The following IMMP2L variants were observed in gnomAD, a reference collection of about 807,000 sequenced individuals.
The protein encoded by IMMP2L is mitochondrial inner membrane protease subunit 2.
Under a neutral mutation model 19.3 loss-of-function variants are expected in IMMP2L, and 18 were observed. The ratio of observed to expected loss-of-function variants is 0.93; its 90% confidence interval spans 0.64 to 1.38. The LOEUF is 1.38. IMMP2L is among the 40% of genes most tolerant of loss of function. IMMP2L has a pLI of 0.00. For synonymous variants in IMMP2L, 76 were observed against 73.0 expected (o/e 1.04, Z -0.21); for missense variants, 233 against 218.2 (o/e 1.07, Z -0.43).
At chr7:111,375,279 A>G (rs1478406019) in intron 3 of IMMP2L, among the ~76,000 whole-genome samples, 2 of 152,078 alleles carry the variant, frequency 1.3e-5, no homozygotes, top group African/African-American at 2.4e-5. Context: ...AGTAATAATA[A>G]TAGTAGTCTT....
At chr7:111,251,037 G>A (rs1816049227) in intron 3 of IMMP2L, among the ~76,000 whole-genome samples, 1 of 151,640 alleles carries the variant, frequency 6.6e-6, no homozygotes, top group Non-Finnish European at 1.5e-5. Context: ...GAGTCTACAA[G>A]AAACAAACAA....
At chr7:110,951,347 C>T (rs1817817470) in intron 4 of IMMP2L, among the ~76,000 whole-genome samples, 1 of 151,890 alleles carries the variant, frequency 6.6e-6, no homozygotes, top group Non-Finnish European at 1.5e-5. Context: ...TTACAATTTA[C>T]AAAATTTAGA....
intron 3 of IMMP2L, among the ~76,000 whole-genome samples, chr7:111,359,597 C>T (rs528984049): frequency 2.0e-5 from 3 of 152,120 alleles, no homozygotes; most frequent in South Asian, 2.1e-4. Flanking sequence ...TCACCGTGCC[C>T]GGCCTCTCCA....
chr7:111,401,108 T>C (rs528775438), intron 3 of IMMP2L, among the ~76,000 whole-genome samples: 53 of 152,264 alleles, frequency 3.5e-4, no homozygotes, highest in Non-Finnish European at 6.6e-4. Context: ...TTTGAGAGCA[T>C]GTGGTGAGAT....
chr7:111,105,091 T>C (rs1798395959), intron 3 of IMMP2L, among the ~76,000 whole-genome samples: 1 of 151,774 alleles, frequency 6.6e-6, no homozygotes, highest in South Asian at 2.1e-4. Context: ...TTACTAAAGG[T>C]CTCATTGAGA....
intron 5 of IMMP2L, among the ~76,000 whole-genome samples, chr7:110,705,488 C>T (rs149606137): frequency 1.5e-4 from 23 of 152,130 alleles, no homozygotes; most frequent in African/African-American, 3.6e-4. Context: ...TTATATGAAA[C>T]GTCTTGAAAT....
chr7:111,033,530 T>C (rs549365597), intron 3 of IMMP2L, among the ~76,000 whole-genome samples: 1 of 152,378 alleles, frequency 6.6e-6, no homozygotes, highest in South Asian at 2.1e-4. Flanking sequence ...GGACTGTTTA[T>C]AGCAGCTTTA....
intron 3 of IMMP2L, among the ~76,000 whole-genome samples, chr7:110,998,917 C>T (rs774718674): frequency 7.9e-5 from 12 of 152,112 alleles, no homozygotes; most frequent in Non-Finnish European, 1.5e-4. Flanking sequence ...TTCCACCATA[C>T]AATTTAGTGG....
intron 5 of IMMP2L, chr7:110,664,849 A>G: frequency 6.6e-6 from 1 of 152,214 alleles, no homozygotes; most frequent in Non-Finnish European, 1.5e-5. Flanking sequence ...TGTTTTTCCT[A>G]TAAACTGGAC....
chr7:111,189,025 C>G (rs1385241874), intron 3 of IMMP2L, among the ~76,000 whole-genome samples: 1 of 152,068 alleles, frequency 6.6e-6, no homozygotes, highest in Non-Finnish European at 1.5e-5. Context: ...ATTACTGCAC[C>G]TACTAGTACC....
At chr7:111,203,074 A>G (rs1810317839) in intron 3 of IMMP2L, among the ~76,000 whole-genome samples, 1 of 152,216 alleles carries the variant, frequency 6.6e-6, no homozygotes, top group Middle Eastern at 3.2e-3. Context: ...AACTAGTACT[A>G]TCTATTCAGA....
chr7:111,500,473 C>A (rs1210969542), intron 2 of IMMP2L, among the ~76,000 whole-genome samples: 3 of 152,164 alleles, frequency 2.0e-5, no homozygotes, highest in Non-Finnish European at 4.4e-5. Context: ...TCTCCCAGCA[C>A]ACAGCTGGAG....
chr7:111,199,430 T>A (rs781093841), intron 3 of IMMP2L, among the ~76,000 whole-genome samples: 3 of 152,010 alleles, frequency 2.0e-5, no homozygotes, highest in Non-Finnish European at 2.9e-5. Context: ...AAATATGAAA[T>A]ATGTAAAAGT....
chr7:110,879,131 G>T (rs1809374854), intron 5 of IMMP2L, among the ~76,000 whole-genome samples: 1 of 152,024 alleles, frequency 6.6e-6, no homozygotes, highest in African/African-American at 2.4e-5. Flanking sequence ...GTGGCTCATA[G>T]TATAATCCCA....
chr7:111,017,318 C>G (rs766541884), intron 3 of IMMP2L, among the ~76,000 whole-genome samples: 10 of 151,948 alleles, frequency 6.6e-5, no homozygotes, highest in Non-Finnish European at 1.2e-4. Context: ...CTTGCCTGGG[C>G]CTCCCAAAGT....
At chr7:110,878,162 T>G (rs950739451) in intron 5 of IMMP2L, among the ~76,000 whole-genome samples, 5 of 152,106 alleles carry the variant, frequency 3.3e-5, no homozygotes, top group Non-Finnish European at 5.9e-5. Context: ...ATTCTAGAAT[T>G]CTAGAGATAC....
rs931772265 is a variant in IMMP2L at position 111,532,011 on chromosome 7, GA to G, written c.-2-10563del. On this transcript the variant is annotated intron_variant, in intron 1 of 5. Coordinates refer to ENST00000405709, the MANE Select transcript of IMMP2L (RefSeq NM_032549.4). ...ATAAATGGAAAAAGCACTCTTTTTAGAAAAAAAAAATCTCAAGAACCTTTCA... is the reference window on the plus strand; with the variant it reads ...ATAAATGGAAAAAGCACTCTTTTTAGAAAAAAAAATCTCAAGAACCTTTCA... Among the ~76,000 whole-genome samples the G allele has an allele frequency of 1.1e-4, 17 of 148,682 alleles. 1 individual carries two copies. The highest frequency in any genetic ancestry group is 3.9e-4 in the East Asian group (2 of 5,126).
chr7:111,302,100 T>C (rs114185763), intron 3 of IMMP2L, among the ~76,000 whole-genome samples: 2 of 152,118 alleles, frequency 1.3e-5, no homozygotes, highest in African/African-American at 2.4e-5. Context: ...ACCAGTCTTT[T>C]TGTTCTCTGA....
At chr7:111,281,124 GAGAA>G (rs1819671557) in intron 3 of IMMP2L, among the ~76,000 whole-genome samples, 1 of 71,846 alleles carries the variant, frequency 1.4e-5, no homozygotes, top group Admixed American at 1.8e-4. Context: ...GAGAGAAAGA[GAGAA>G]AGAGAGAAAG....
Sources: allele counts gnomAD v4.1 joint callset (sites outside exome capture counted in the v4.1 genomes callset), GRCh38; gene constraint gnomAD v4.1.1; transcripts MANE v1.5; gene names NCBI Gene and HGNC (gene_info 2026-07-23, HGNC 2026-07-21).